The following NCL variants were observed in gnomAD, a reference collection of about 807,000 sequenced individuals.
The protein encoded by NCL is nucleolin multifunctional protein.
In NCL, 4 loss-of-function variants were observed where a neutral mutation model predicts 77.7. The ratio of observed to expected loss-of-function variants is 0.05; its 90% confidence interval spans 0.03 to 0.12. The LOEUF is 0.12. Ranked by LOEUF, NCL falls within the 10% of genes least tolerant of loss-of-function variation. NCL has a pLI of 1.00. For missense variants in NCL, 763 were observed against 860.9 expected (o/e 0.89, Z 1.42); for synonymous variants, 344 against 297.8 (o/e 1.16, Z -1.60).
In NCL at chr2:231,458,855, T is replaced by C. The variant is rs996684813; in HGVS notation, c.1165+146A>G. On this transcript the variant is annotated intron_variant, in intron 7 of 13. Transcript: ENST00000322723. ...CAAGTACTCTTGTAAACACTGTAGCTCATTTAATTCCCACATTAAGAGGAA... is the reference window on the plus strand; with the variant it reads ...CAAGTACTCTTGTAAACACTGTAGCCCATTTAATTCCCACATTAAGAGGAA... The C allele has an allele frequency of 3.5e-6, 3 of 868,080 alleles. No individual in the cohort carries two copies. The Admixed American group carries it at 1.1e-4, about 31-fold the overall frequency. 53.8% of individuals were successfully genotyped at this position (868,080 alleles called of 1,614,324 possible).
intron 11 of NCL, chr2:231,456,371 C>A (rs1216075398): frequency 1.0e-5 from 9 of 889,394 alleles, no homozygotes; most frequent in Non-Finnish European, 1.1e-5. Context: ...GTGGGAGAAG[C>A]AACCCAAGCA....
chr2:231,458,247 T>G lies in NCL; in HGVS notation c.1289+19A>C. Reference sequence around the variant, plus strand: ...ATTAATGTTAATAAAACCCTTACATTTCAATAGACAGAACATACCCTTTAC... The same window carrying G: ...ATTAATGTTAATAAAACCCTTACATGTCAATAGACAGAACATACCCTTTAC... On this transcript the variant is annotated intron_variant, in intron 8 of 13. Transcript: ENST00000322723. 1 of 1,599,506 alleles carries G rather than the reference T, an allele frequency of 6.3e-7. No individual in the cohort carries two copies. The highest frequency in any genetic ancestry group is 8.5e-7 in the Non-Finnish European group (1 of 1,175,414).
rs971595616 is a variant in NCL at position 231,464,407 on chromosome 2, C to G, written c.-54G>C. 38 of 1,583,390 alleles carry G rather than the reference C, an allele frequency of 2.4e-5. No homozygotes were observed. Among genetic ancestry groups the G allele is most frequent in the Non-Finnish European group, 3.2e-5 (37 of 1,163,452 alleles). On this transcript the variant is annotated 5_prime_UTR_variant, in exon 1 of 14. Coordinates refer to ENST00000322723, the MANE Select transcript of NCL (RefSeq NM_005381.3). ...TGGCGCAGATGAGTCCAGAAGAAGC[C>G]AAGCGACGGCGATGGCGGCCGCGGG...
intron 2 of NCL, 128 bp from the exon 3 acceptor site, chr2:231,462,145 C>A (rs908135465): frequency 2.9e-5 from 35 of 1,192,856 alleles, no homozygotes; most frequent in Admixed American, 2.7e-4. Context: ...GACACATTAG[C>A]ATGTTAAACT....
chr2:231,460,588 A>T, intron 4 of NCL, 24 bp from the exon 5 acceptor site: 1 of 1,614,224 alleles, frequency 6.2e-7, no homozygotes, highest in Non-Finnish European at 8.5e-7. Context: ...CAAACAATGT[A>T]TCACACATCA....
At chr2:231,458,454 A>C (rs2046912869) in intron 7 of NCL, 65 bp from the exon 8 acceptor site, 6 of 1,562,548 alleles carry the variant, frequency 3.8e-6, no homozygotes, top group Non-Finnish European at 5.2e-6. Flanking sequence ...GCAACAACAA[A>C]AAGAGGGGAA....
intron 2 of NCL, 41 bp from the exon 3 acceptor site, chr2:231,462,058 A>G (rs747314338): frequency 1.9e-5 from 31 of 1,604,442 alleles, no homozygotes; most frequent in Non-Finnish European, 7.7e-6. Flanking sequence ...GTCCAGCCCC[A>G]CACCCAAAAA....
intron 6 of NCL, among the ~76,000 whole-genome samples, chr2:231,459,427 T>C (rs745910836): frequency 6.6e-6 from 1 of 152,148 alleles, no homozygotes; most frequent in African/African-American, 2.4e-5. Context: ...GAATCCTGTC[T>C]GGATAAAAGT....
chr2:231,458,331 T>C lies in NCL; in HGVS notation c.1224A>G (p.Glu408=). The change falls in exon 8 of 14, where the codon GAA becomes GAG. Residue 408 remains glutamate (E), a synonymous_variant. Coordinates refer to ENST00000322723, the MANE Select transcript of NCL (RefSeq NM_005381.3). ...KNLPYKVTQD[E]LKEVFEDAAE... ...CAGCATCTTCAAACACTTCTTTCAA[T>C]TCATCCTGAGTGACTTTGTAAGGGA... is the stretch of plus-strand genomic sequence containing the variant. The C allele has an allele frequency of 6.2e-7, 1 of 1,614,118 alleles. No individual in the cohort carries two copies. The highest frequency in any genetic ancestry group is 8.5e-7 in the Non-Finnish European group (1 of 1,179,996).
chr2:231,460,840 T>C lies in NCL; in HGVS notation c.640A>G (p.Thr214Ala). 6.2e-7 allele frequency: 1 copy of C among 1,614,176 alleles called. No homozygotes were observed. Among genetic ancestry groups the C allele is most frequent in the Non-Finnish European group, 8.5e-7 (1 of 1,180,018 alleles). Residue 214 changes from threonine (T) to alanine (A), a missense_variant, in exon 4 of 14, where the codon ACA becomes GCA. By Grantham distance (58) the Thr-to-Ala change is moderately conservative. Coordinates refer to ENST00000322723, the MANE Select transcript of NCL (RefSeq NM_005381.3). ...DDSEEEAMET[T>A]PAKGKKAAKV... is the part of the protein sequence containing the mutation. The stretch of plus-strand genomic sequence containing the variant: ...GCAGCTTTCTTTCCTTTGGCTGGTG[T>C]AGTCTCCATAGCTTCTTCTTCAGAG...
intron 6 of NCL, 87 bp from the exon 7 acceptor site, chr2:231,459,212 GCAAA>G: frequency 7.4e-7 from 1 of 1,347,316 alleles, no homozygotes; most frequent in Non-Finnish European, 9.8e-7. Context: ...ATGTGATGGT[GCAAA>G]CAAAGATCAC....
chr2:231,460,384 C>A lies in NCL; in HGVS notation c.899-91G>T, dbSNP rs2046935598. ...TTTCTATACACAGCACATCAGCACACTACAATGTAACATCAGGTTTCAGTA... is the reference window on the plus strand; with the variant it reads ...TTTCTATACACAGCACATCAGCACAATACAATGTAACATCAGGTTTCAGTA... On this transcript the variant is annotated intron_variant, in intron 5 of 13. Transcript: ENST00000322723. 7 of 1,592,832 alleles carry A rather than the reference C, an allele frequency of 4.4e-6. No homozygotes were observed. In the Middle Eastern group the frequency reaches 8.3e-4, roughly 189 times the overall value.
In NCL at chr2:231,460,672, C is replaced by T. The variant is rs140018754; in HGVS notation, c.808G>A (p.Glu270Lys). 8 of 1,612,312 alleles carry T rather than the reference C, an allele frequency of 5.0e-6. No individual in the cohort carries two copies. The highest frequency in any genetic ancestry group is 1.7e-5 in the Admixed American group (1 of 59,846). Residue 270 changes from glutamate (E) to lysine (K), a missense_variant, in exon 4 of 14, where the codon GAA (glutamate) becomes AAA (lysine). Transcript: ENST00000322723. ...TGTCAGAATCTAATTTAAGTACCTT[C>T]CTCCTCCTCTTCTTCCTCCTCCTCA... The part of the protein sequence containing the change: ...DDEEEEEEEE[E>K]EPVKEAPGKR...
In NCL at chr2:231,463,215, ATCATCTTCT is replaced by A. The variant is rs759624505; in HGVS notation, c.111_119del (p.Glu37_Asp39del). The A allele has an allele frequency of 2.5e-6, 4 of 1,594,798 alleles. No individual in the cohort carries two copies. The African/African-American group carries it at 4.0e-5, about 16-fold the overall frequency. On this transcript the variant is annotated inframe_deletion, in exon 2 of 14. Transcript: ENST00000322723. ...ATAAAATTACCTCTTCTCCACTGCT[ATCATCTTCT>A]TCATCTTCTGACATTTCCTCATCTT...
In NCL at chr2:231,464,317, C is replaced by T. The variant is rs1007106211; in HGVS notation, c.18+19G>A. 2 of 1,586,820 alleles carry T rather than the reference C, an allele frequency of 1.3e-6. No individual in the cohort carries two copies. Among genetic ancestry groups the T allele is most frequent in the Non-Finnish European group, 1.7e-6 (2 of 1,166,376 alleles). ...GAAAGCAGGCCTACACGTCTGCGCT[C>T]GCGCTCAAGGCCGTTTACCTTCGCG... On this transcript the variant is annotated intron_variant, in intron 1 of 13. Transcript: ENST00000322723.
At chr2:231,463,643 C>T (rs1264418944) in intron 1 of NCL, 1 of 283,920 alleles carries the variant, frequency 3.5e-6, no homozygotes, top group African/African-American at 2.3e-5. Flanking sequence ...ATTCTACCAC[C>T]CTCATCTGAA....
intron 11 of NCL, 46 bp downstream of exon 11, chr2:231,456,585 C>T (rs776032351): frequency 2.4e-5 from 38 of 1,610,642 alleles, no homozygotes; most frequent in Middle Eastern, 1.6e-4. Flanking sequence ...AACAAAGCAC[C>T]GAGAGTGCTA....
intron 9 of NCL, 120 bp downstream of exon 9, chr2:231,457,523 G>C: frequency 9.6e-7 from 1 of 1,043,718 alleles, no homozygotes; most frequent in Non-Finnish European, 1.4e-6. Flanking sequence ...TCATGTCCTT[G>C]ATCTTCACCT....
chr2:231,457,245 C>G, intron 9 of NCL, 121 bp from the exon 10 acceptor site: 1 of 1,350,800 alleles, frequency 7.4e-7, no homozygotes, highest in Non-Finnish European at 1.1e-6. Flanking sequence ...ATACTCATGA[C>G]GTAAGCTAAA....
Sources: allele counts gnomAD v4.1 joint callset (sites outside exome capture counted in the v4.1 genomes callset), GRCh38; gene constraint gnomAD v4.1.1; transcripts MANE v1.5; gene names NCBI Gene and HGNC (gene_info 2026-07-23, HGNC 2026-07-21).